Variants in KHDRBS2 observed in about 807,000 individuals in gnomAD.
KHDRBS2 encodes KH domain-containing, RNA-binding, signal transduction-associated protein 2.
A neutral mutation model predicts 44.3 loss-of-function variants in KHDRBS2; 26 were observed. The ratio of observed to expected loss-of-function variants is 0.59; its 90% CI spans 0.43 to 0.81. KHDRBS2 has a LOEUF of 0.81. Among genes scored for constraint, KHDRBS2 ranks in the 40% least tolerant of loss-of-function variants. The pLI, the probability that KHDRBS2 is intolerant of heterozygous loss-of-function variation, is 0.00. For missense variants in KHDRBS2, 476 were observed against 433.1 expected, an observed-to-expected ratio of 1.10 and a Z score of -0.88; for synonymous variants, 194 against 151.1, an observed-to-expected ratio of 1.28 and a Z score of -2.08.
chr6:62,048,519 C>A (rs1163042854), intron 2 of KHDRBS2, among the ~76,000 whole-genome samples: 1 of 151,776 alleles, frequency 6.6e-6, no homozygotes, highest in Non-Finnish European at 1.5e-5. Flanking sequence ...TCTATTACAA[C>A]TTTCATAATC....
At chr6:62,088,659 C>T (rs573211918) in intron 2 of KHDRBS2, among the ~76,000 whole-genome samples, 1 of 152,246 alleles carries the variant, frequency 6.6e-6, no homozygotes, top group Non-Finnish European at 1.5e-5. Context: ...GAAGTGTCTT[C>T]CAGTTAGGAG....
At chr6:61,688,896 G>A (rs1196075423) in intron 8 of KHDRBS2, among the ~76,000 whole-genome samples, 1 of 151,810 alleles carries the variant, frequency 6.6e-6, no homozygotes, top group Admixed American at 6.6e-5. Context: ...TTCATGGTGA[G>A]CCCCTTCAAC....
At chr6:61,655,206 G>A in the KHDRBS2 span, among the ~76,000 whole-genome samples, 4 of 146,076 alleles carry the variant, frequency 2.7e-5, no homozygotes, top group South Asian at 2.2e-4. Flanking sequence ...TTCTTAGAAC[G>A]TTTAAATACA....
At chr6:62,129,674 A>T (rs568020694) in intron 2 of KHDRBS2, among the ~76,000 whole-genome samples, 2 of 152,142 alleles carry the variant, frequency 1.3e-5, no homozygotes, top group Non-Finnish European at 2.9e-5. Flanking sequence ...ACTACTCAAG[A>T]GACTATTTAA....
chr6:61,922,600 C>T (rs147370351), intron 4 of KHDRBS2, among the ~76,000 whole-genome samples: 4 of 152,086 alleles, frequency 2.6e-5, no homozygotes, highest in Non-Finnish European at 5.9e-5. Flanking sequence ...CACAGGGAAC[C>T]AGGAGTGGAG....
chr6:61,599,318 T>TC, the KHDRBS2 span, among the ~76,000 whole-genome samples: 1 of 152,254 alleles, frequency 6.6e-6, no homozygotes, highest in African/African-American at 2.4e-5. Flanking sequence ...TAAATAGTAT[T>TC]CTTTCATATA....
rs1159977177 is a variant in KHDRBS2, at chr6:61,945,023, G to A, written c.483+33043C>T. Among the ~76,000 whole-genome samples the A allele has an allele frequency of 8.1e-5, 12 of 147,812 alleles. No individual in the cohort carries two copies. In the East Asian group the frequency reaches 1.2e-3, roughly 15 times the overall value. Reference sequence around the variant, plus strand: ...GGAGAATGTCTCCAATCTGGGAGGCGGAGGTTGCAGTAAGCCAAGATCGTG... The same window carrying A: ...GGAGAATGTCTCCAATCTGGGAGGCAGAGGTTGCAGTAAGCCAAGATCGTG... On this transcript the variant is annotated intron_variant, in intron 4 of 8. Coordinates refer to ENST00000281156, the MANE Select transcript of KHDRBS2 (RefSeq NM_152688.4).
chr6:61,831,650 A>C (rs1562264742), intron 6 of KHDRBS2, among the ~76,000 whole-genome samples: 1 of 152,186 alleles, frequency 6.6e-6, no homozygotes, highest in Non-Finnish European at 1.5e-5. Flanking sequence ...TGCTCAGTGC[A>C]CATAAAATGT....
At chr6:61,944,601 G>A (rs1276644887) in intron 4 of KHDRBS2, among the ~76,000 whole-genome samples, 1 of 152,104 alleles carries the variant, frequency 6.6e-6, no homozygotes, top group Non-Finnish European at 1.5e-5. Context: ...ATCAGGGTGA[G>A]TAGCAGTAAG....
At chr6:62,094,448 CAT>C (rs1800134288) in intron 2 of KHDRBS2, among the ~76,000 whole-genome samples, 1 of 151,838 alleles carries the variant, frequency 6.6e-6, no homozygotes, top group African/African-American at 2.4e-5. Context: ...CCTTATCAAA[CAT>C]ATAGTTTGCA....
chr6:61,594,720 A>G, the KHDRBS2 span, among the ~76,000 whole-genome samples: 271 of 152,246 alleles, frequency 1.8e-3, 1 homozygote, highest in African/African-American at 6.1e-3. Flanking sequence ...ATAACTTAAC[A>G]TATCAAATAA....
intron 2 of KHDRBS2, among the ~76,000 whole-genome samples, chr6:62,097,420 T>C (rs1419175210): frequency 6.6e-6 from 1 of 152,046 alleles, no homozygotes; most frequent in Non-Finnish European, 1.5e-5. Flanking sequence ...TTATGTTGGG[T>C]ACATATATAT....
chr6:62,110,926 C>T (rs1003318484), intron 2 of KHDRBS2, among the ~76,000 whole-genome samples: 13 of 151,720 alleles, frequency 8.6e-5, no homozygotes, highest in Non-Finnish European at 1.8e-4. Context: ...ATTTAATGGC[C>T]CAGTGAACTA....
rs182800849 is a variant in KHDRBS2, at chr6:61,928,975, G to A, written c.484-27604C>T. ...CTCTTTGGTAGTGAAATTTGAAAGG[G>A]AAGAGTAATACTTATCACACAATAT... On this transcript the variant is annotated intron_variant, in intron 4 of 8. Transcript: ENST00000281156. Among the ~76,000 whole-genome samples the A allele has an allele frequency of 4.4e-3, 667 of 152,120 alleles. 2 individuals are homozygous for A. The highest frequency in any genetic ancestry group is 7.3e-3 in the Non-Finnish European group (493 of 67,964).
At chr6:61,560,737 T>C in the KHDRBS2 span, among the ~76,000 whole-genome samples, 1 of 152,188 alleles carries the variant, frequency 6.6e-6, no homozygotes, top group South Asian at 2.1e-4. Flanking sequence ...TCGAATTTCA[T>C]TAAGTTTTCT....
At chr6:61,581,988 T>TA in the KHDRBS2 span, among the ~76,000 whole-genome samples, 1 of 151,788 alleles carries the variant, frequency 6.6e-6, no homozygotes, top group Non-Finnish European at 1.5e-5. Context: ...TTTCTAAACT[T>TA]AGAGATTTTT....
At chr6:61,629,772 G>A in the KHDRBS2 span, among the ~76,000 whole-genome samples, 9 of 152,190 alleles carry the variant, frequency 5.9e-5, no homozygotes, top group Admixed American at 5.9e-4. Flanking sequence ...TGTGAATAGA[G>A]ATGAATGTGT....
At chr6:61,613,144 A>G in the KHDRBS2 span, among the ~76,000 whole-genome samples, 1 of 151,978 alleles carries the variant, frequency 6.6e-6, no homozygotes, top group Non-Finnish European at 1.5e-5. Context: ...GAGCCACTGC[A>G]CCCAGCCAAA....
At chr6:62,203,454 AT>A (rs1201400091) in intron 1 of KHDRBS2, among the ~76,000 whole-genome samples, 1 of 152,128 alleles carries the variant, frequency 6.6e-6, no homozygotes, top group Non-Finnish European at 1.5e-5. Context: ...GGAATATATA[AT>A]AAAAGACTTC....
Sources: allele counts gnomAD v4.1 joint callset (sites outside exome capture counted in the v4.1 genomes callset), GRCh38; gene constraint gnomAD v4.1.1; transcripts MANE v1.5; gene names NCBI Gene and HGNC (gene_info 2026-07-23, HGNC 2026-07-21).